TRERF1: variants seen among roughly 807,000 people sequenced by gnomAD.
TRERF1 encodes the protein transcriptional regulating factor 1.
Under a neutral mutation model 122.9 loss-of-function variants are expected in TRERF1, and 27 were observed. The observed-to-expected ratio is 0.22, with a 90% CI of 0.16 to 0.30. The LOEUF is 0.30. Ranked by LOEUF, TRERF1 falls within the 10% of genes least tolerant of loss-of-function variation. The probability of loss-of-function intolerance (pLI) is 1.00; values close to 1 mark genes in which losing one functional copy is unlikely to be tolerated. For missense variants in TRERF1, 1,248 were observed against 1,560.3 expected, an observed-to-expected ratio of 0.80 and a Z score of 3.37; for synonymous variants, 636 against 641.7, an observed-to-expected ratio of 0.99 and a Z score of 0.13.
chr6:42,444,080 C>G (rs1474831811), intron 2 of TRERF1, among the ~76,000 whole-genome samples: 1 of 151,946 alleles, frequency 6.6e-6, no homozygotes, highest in Non-Finnish European at 1.5e-5. Flanking sequence ...TCCTTTTCCA[C>G]CCACCTCCCA....
chr6:42,357,171 A>T (rs1770725081), intron 3 of TRERF1, among the ~76,000 whole-genome samples: 1 of 151,736 alleles, frequency 6.6e-6, no homozygotes, highest in South Asian at 2.1e-4. Flanking sequence ...TCCACTAAAA[A>T]TACAAAAATT....
intron 3 of TRERF1, among the ~76,000 whole-genome samples, chr6:42,361,245 A>G (rs6933773): frequency 0.094 from 14,290 of 152,172 alleles, 1,018 homozygotes; most frequent in African/African-American, 0.2. Flanking sequence ...GAACCTGACC[A>G]TACTGGCACC....
intron 2 of TRERF1, among the ~76,000 whole-genome samples, chr6:42,446,671 T>C (rs1458689745): frequency 6.6e-6 from 1 of 152,102 alleles, no homozygotes; most frequent in Non-Finnish European, 1.5e-5. Flanking sequence ...CTGCCGCATG[T>C]ATGAAAGAAA....
chr6:42,244,550 C>T (rs373973652), intron 14 of TRERF1, among the ~76,000 whole-genome samples: 15 of 152,208 alleles, frequency 9.9e-5, no homozygotes, highest in African/African-American at 3.6e-4. Context: ...CATCTTTCCT[C>T]ACAAAAGGGA....
chr6:42,419,327 G>A (rs780286763), intron 2 of TRERF1, among the ~76,000 whole-genome samples: 2 of 141,480 alleles, frequency 1.4e-5, no homozygotes, highest in South Asian at 2.2e-4. Context: ...CAGAGTGACC[G>A]GTTCAGATCA....
intron 2 of TRERF1, among the ~76,000 whole-genome samples, chr6:42,423,885 C>T (rs950105953): frequency 2.0e-5 from 3 of 152,142 alleles, no homozygotes; most frequent in Non-Finnish European, 4.4e-5. Flanking sequence ...CGAAAACCTG[C>T]CCCCCAACAT....
intron 3 of TRERF1, among the ~76,000 whole-genome samples, chr6:42,309,924 C>T (rs1338294492): frequency 2.0e-5 from 3 of 150,876 alleles, no homozygotes; most frequent in Admixed American, 6.6e-5. Flanking sequence ...TACAAACATG[C>T]GCCACCAGGG....
In TRERF1 at chr6:42,333,843, G is replaced by A. The variant is rs562122699; in HGVS notation, c.-371+29154C>T. Among the ~76,000 whole-genome samples, 3 of 152,316 alleles carry A rather than the reference G, an allele frequency of 2.0e-5. No homozygotes were observed. In the East Asian group the frequency reaches 5.8e-4, roughly 29 times the overall value. On this transcript the variant is annotated intron_variant, in intron 3 of 17. Transcript: ENST00000372922. ...TACAAAGACACTGAGGCCCAGGGCA[G>A]TGACGAATCCCAACGGCCACATCCG...
chr6:42,427,406 C>G (rs1020224467), intron 2 of TRERF1, among the ~76,000 whole-genome samples: 1 of 151,726 alleles, frequency 6.6e-6, no homozygotes, highest in African/African-American at 2.4e-5. Context: ...TATAGGCGTG[C>G]ACCACTATGC....
At chr6:42,243,691 C>T (rs185153684) in intron 14 of TRERF1, among the ~76,000 whole-genome samples, 181 of 151,876 alleles carry the variant, frequency 1.2e-3, no homozygotes, top group African/African-American at 4.3e-3. Context: ...CACCATTCTC[C>T]TGCCTCAGCC....
At chr6:42,243,292 G>A (rs1323477675) in exon 15 of TRERF1, 4 of 1,613,914 alleles carry the variant, frequency 2.5e-6, no homozygotes, top group Non-Finnish European at 3.4e-6. Context: ...CGGTGTTTCC[G>A]CCCCAGCCGC....
intron 2 of TRERF1, among the ~76,000 whole-genome samples, chr6:42,378,044 G>C (rs1004114674): frequency 6.6e-6 from 1 of 152,148 alleles, no homozygotes; most frequent in Non-Finnish European, 1.5e-5. Context: ...AGAGGCAAGG[G>C]ATTGGGAAGG....
chr6:42,407,935 C>T (rs959457287), intron 2 of TRERF1, among the ~76,000 whole-genome samples: 9 of 151,176 alleles, frequency 6.0e-5, no homozygotes, highest in Non-Finnish European at 1.2e-4. Flanking sequence ...TGTTTGAGTT[C>T]TCCACTGTAT....
chr6:42,305,526 A>C (rs1019757332), intron 3 of TRERF1, among the ~76,000 whole-genome samples: 2 of 152,210 alleles, frequency 1.3e-5, no homozygotes, highest in Admixed American at 6.5e-5. Flanking sequence ...AGTATCTAAA[A>C]GCCCAAATCA....
chr6:42,434,892 C>T (rs890272412), intron 2 of TRERF1, among the ~76,000 whole-genome samples: 1 of 151,968 alleles, frequency 6.6e-6, no homozygotes, highest in Admixed American at 6.6e-5. Flanking sequence ...CTTTGGGAGG[C>T]CAAGGCGGGC....
rs938803124 is a variant in TRERF1, at chr6:42,264,602, G to A, written c.1635+102C>T. On this transcript the variant is annotated intron_variant, in intron 7 of 17. Transcript: ENST00000372922. ...TCCTGTCAAGGGAGGACTGTGCCTCGCCAGGTCCCGCATGGGGCTCACATC... is the reference window on the plus strand; with the variant it reads ...TCCTGTCAAGGGAGGACTGTGCCTCACCAGGTCCCGCATGGGGCTCACATC... 6 of 1,517,670 alleles carry A rather than the reference G, an allele frequency of 4.0e-6. No homozygotes were observed. The African/African-American group carries it at 4.2e-5, about 11-fold the overall frequency. The allele number at this position is 1,517,670 out of a possible 1,614,324, so 94.0% of individuals were successfully genotyped here.
exon 18 of TRERF1, chr6:42,225,378 G>A (rs1315819172): frequency 2.0e-5 from 3 of 151,478 alleles, no homozygotes; most frequent in Admixed American, 2.0e-4. Context: ...ACTGACCTAG[G>A]AAGAAACATT....
At chr6:42,283,310 G>C (rs1782611335) in intron 4 of TRERF1, among the ~76,000 whole-genome samples, 1 of 152,184 alleles carries the variant, frequency 6.6e-6, no homozygotes, top group South Asian at 2.1e-4. Context: ...AGAAAGCACT[G>C]AGCATCGGTT....
chr6:42,238,836 C>CACAT (rs1554124330), intron 15 of TRERF1, among the ~76,000 whole-genome samples: 2 of 19,596 alleles, frequency 1.0e-4, no homozygotes, highest in Non-Finnish European at 2.3e-4. Flanking sequence ...TCATGCATTT[C>CACAT]ACACACACAC....
Sources: gnomAD v4.1 joint callset for allele counts (sites outside exome capture counted in the v4.1 genomes callset) on GRCh38, gnomAD v4.1.1 for gene constraint, MANE v1.5 for transcripts, NCBI Gene and HGNC (gene_info 2026-07-23, HGNC 2026-07-21) for gene names.